Variants in AUTS2 observed in about 807,000 individuals in gnomAD.
AUTS2 encodes activator of transcription and developmental regulator AUTS2, also known as autism susceptibility gene 2 protein.
Under a neutral mutation model 112.4 loss-of-function variants are expected in AUTS2, and 17 were observed. The observed-to-expected ratio is 0.15, with a 90% CI of 0.10 to 0.23. AUTS2 has a LOEUF of 0.23. Ranked by LOEUF, AUTS2 falls within the 10% of genes least tolerant of loss-of-function variation. The probability of loss-of-function intolerance (pLI) is 1.00; values close to 1 mark genes in which losing one functional copy is unlikely to be tolerated. For synonymous variants in AUTS2, 751 were observed against 702.7 expected (o/e 1.07, Z -1.09); for missense variants, 1,510 against 1,701.6 (o/e 0.89, Z 1.98).
rs549986227 is a variant in AUTS2, at chr7:70,586,708, C to T, written c.691-111861C>T. On this transcript the variant is annotated intron_variant, in intron 5 of 18. Coordinates refer to ENST00000342771, the MANE Select transcript of AUTS2 (RefSeq NM_015570.4). ...TGTGGGAAAGCTAGCTGCATATTTA[C>T]GTTCTGGGTGGATTTGCCTCCGGAG... 5.3e-5 allele frequency among the ~76,000 whole-genome samples: 8 copies of T among 152,262 alleles called. No individual in the cohort carries two copies. In the East Asian group the frequency reaches 7.7e-4, roughly 15 times the overall value.
chr7:70,592,859 G>GT (rs1167441276), intron 5 of AUTS2, among the ~76,000 whole-genome samples: 1 of 152,088 alleles, frequency 6.6e-6, no homozygotes, highest in Non-Finnish European at 1.5e-5. Flanking sequence ...TGTTGTTTTT[G>GT]TTTTTTATTA....
intron 3 of AUTS2, among the ~76,000 whole-genome samples, chr7:70,130,782 A>G (rs1806231260): frequency 6.6e-6 from 1 of 152,094 alleles, no homozygotes; most frequent in Non-Finnish European, 1.5e-5. Flanking sequence ...GCTGGCTAGC[A>G]TTTCCTCATA....
At chr7:70,071,921 T>G (rs1192804243) in intron 2 of AUTS2, among the ~76,000 whole-genome samples, 1 of 152,180 alleles carries the variant, frequency 6.6e-6, no homozygotes, top group Non-Finnish European at 1.5e-5. Flanking sequence ...ATTGATCGCT[T>G]GTCACTCAAG....
intron 1 of AUTS2, among the ~76,000 whole-genome samples, chr7:69,685,330 G>A (rs759175157): frequency 1.3e-5 from 2 of 152,172 alleles, no homozygotes; most frequent in Non-Finnish European, 2.9e-5. Flanking sequence ...ACGTTTCTGT[G>A]ACTACTCTGA....
chr7:70,525,230 C>G (rs911030616), intron 5 of AUTS2, among the ~76,000 whole-genome samples: 5 of 152,182 alleles, frequency 3.3e-5, no homozygotes, highest in Non-Finnish European at 7.3e-5. Context: ...TTTCCCCATT[C>G]CATCAGTTGT....
intron 2 of AUTS2, among the ~76,000 whole-genome samples, chr7:69,918,349 A>T (rs1445364065): frequency 2.0e-5 from 3 of 152,188 alleles, no homozygotes; most frequent in Non-Finnish European, 4.4e-5. Flanking sequence ...ATTGGAGATT[A>T]CAGAAGCCTT....
chr7:70,374,384 T>C (rs1356165587), intron 4 of AUTS2, among the ~76,000 whole-genome samples: 1 of 152,204 alleles, frequency 6.6e-6, no homozygotes, highest in Non-Finnish European at 1.5e-5. Flanking sequence ...TATTTTTTCT[T>C]TACCAATTGC....
At chr7:69,867,505 G>T (rs1315626081) in intron 1 of AUTS2, among the ~76,000 whole-genome samples, 2 of 152,124 alleles carry the variant, frequency 1.3e-5, no homozygotes, top group Non-Finnish European at 2.9e-5. Context: ...TTAAAATATG[G>T]TCGTGAATAT....
intron 6 of AUTS2, among the ~76,000 whole-genome samples, chr7:70,723,125 A>C (rs1346150235): frequency 6.6e-6 from 1 of 152,208 alleles, no homozygotes; most frequent in Non-Finnish European, 1.5e-5. Flanking sequence ...GTGGTGTTTT[A>C]TAATGCTCTC....
At chr7:70,195,375 G>A (rs1441504274) in intron 4 of AUTS2, among the ~76,000 whole-genome samples, 3 of 152,250 alleles carry the variant, frequency 2.0e-5, no homozygotes, top group East Asian at 1.9e-4. Context: ...GGACAGGCAC[G>A]GTGGCTCACG....
At chr7:70,314,404 C>T (rs1161909056) in intron 4 of AUTS2, among the ~76,000 whole-genome samples, 2 of 152,212 alleles carry the variant, frequency 1.3e-5, no homozygotes, top group Admixed American at 1.3e-4. Context: ...TGGCTGTCTT[C>T]GTCTGTGACA....
chr7:70,436,938 G>T (rs1334384935), intron 5 of AUTS2: 1 of 152,156 alleles, frequency 6.6e-6, no homozygotes, highest in Non-Finnish European at 1.5e-5. Context: ...TTAAAATCAG[G>T]AAATGAAAAA....
chr7:70,454,323 T>C (rs1796648089), intron 5 of AUTS2, among the ~76,000 whole-genome samples: 1 of 152,038 alleles, frequency 6.6e-6, no homozygotes, highest in Non-Finnish European at 1.5e-5. Flanking sequence ...TCACCTGAGG[T>C]CAGGAGTTCG....
At chr7:70,345,982 C>A (rs76015257) in intron 4 of AUTS2, among the ~76,000 whole-genome samples, 1 of 151,080 alleles carries the variant, frequency 6.6e-6, no homozygotes, top group Admixed American at 6.6e-5. Flanking sequence ...TTTTTTTTTT[C>A]ACCTGGCTGT....
In AUTS2 at chr7:70,735,210, T is replaced by C. The variant is rs117724931; in HGVS notation, c.743-27660T>C. The stretch of plus-strand genomic sequence containing the variant: ...TTACCAAAGGAGAGCTGAAATGGGT[T>C]GTCCCCCAAGGCTGGGAGATGTGTT... On this transcript the variant is annotated intron_variant, in intron 6 of 18. Transcript: ENST00000342771. Among the ~76,000 whole-genome samples the C allele has an allele frequency of 6.2e-4, 95 of 152,322 alleles. No individual in the cohort carries two copies. The East Asian group carries it at 0.017, about 27-fold the overall frequency.
At chr7:70,081,600 T>C (rs1387371671) in intron 2 of AUTS2, among the ~76,000 whole-genome samples, 1 of 151,894 alleles carries the variant, frequency 6.6e-6, no homozygotes, top group Non-Finnish European at 1.5e-5. Context: ...GAGAACAAAA[T>C]GGTCTTTTGC....
At chr7:70,500,115 C>T (rs1177842799) in intron 5 of AUTS2, among the ~76,000 whole-genome samples, 1 of 151,858 alleles carries the variant, frequency 6.6e-6, no homozygotes, top group African/African-American at 2.4e-5. Context: ...CGTTTCCTCC[C>T]TCTCCAGCAC....
At chr7:70,780,754 C>T (rs2129559773) in intron 14 of AUTS2, among the ~76,000 whole-genome samples, 1 of 152,310 alleles carries the variant, frequency 6.6e-6, no homozygotes, top group African/African-American at 2.4e-5. Context: ...AATACTCCTA[C>T]TTTGTTTTTC....
chr7:69,931,802 G>C (rs1161794714), intron 2 of AUTS2, among the ~76,000 whole-genome samples: 2 of 152,184 alleles, frequency 1.3e-5, no homozygotes, highest in Non-Finnish European at 2.9e-5. Context: ...AAGAAATACT[G>C]CATAAAGGGC....
Sources: gnomAD v4.1 joint callset for allele counts (sites outside exome capture counted in the v4.1 genomes callset) on GRCh38, gnomAD v4.1.1 for gene constraint, MANE v1.5 for transcripts, NCBI Gene and HGNC (gene_info 2026-07-23, HGNC 2026-07-21) for gene names.